OR10J1: variants seen among roughly 807,000 people sequenced by gnomAD.
OR10J1 encodes the protein olfactory receptor family 10 subfamily J member 1, also known as olfactory receptor 10J1.
For missense variants in OR10J1, 474 were observed against 376.6 expected (o/e 1.26, Z -2.14); for synonymous variants, 202 against 143.8 (o/e 1.40, Z -2.89).
the OR10J1 span, among the ~76,000 whole-genome samples, chr1:159,428,861 C>G: frequency 1.2e-4 from 19 of 152,236 alleles, no homozygotes; most frequent in Non-Finnish European, 2.8e-4. Flanking sequence ...CCACAATAAA[C>G]TGTCCTGCTT....
At chr1:159,435,722 T>A (rs1235203680), upstream of OR10J1, among the ~76,000 whole-genome samples, 1 of 152,038 alleles carries the variant, frequency 6.6e-6, no homozygotes, top group Non-Finnish European at 1.5e-5. Flanking sequence ...TCTTAAGAGG[T>A]CTAGACCCAG....
the OR10J1 span, among the ~76,000 whole-genome samples, chr1:159,420,795 T>C: frequency 6.6e-6 from 1 of 152,148 alleles, no homozygotes; most frequent in African/African-American, 2.4e-5. Context: ...CCTTTATAAG[T>C]GACTAGATGC....
At chr1:159,424,985 A>G in the OR10J1 span, among the ~76,000 whole-genome samples, 1 of 152,150 alleles carries the variant, frequency 6.6e-6, no homozygotes, top group East Asian at 1.9e-4. Context: ...AAGGGAGAAA[A>G]ACACATCGTG....
At chr1:159,426,413 A>G in the OR10J1 span, among the ~76,000 whole-genome samples, 1 of 151,882 alleles carries the variant, frequency 6.6e-6, no homozygotes, top group Non-Finnish European at 1.5e-5. Context: ...AACAAACAAA[A>G]TATTATTTAA....
At chr1:159,420,466 T>A in the OR10J1 span, among the ~76,000 whole-genome samples, 1 of 152,142 alleles carries the variant, frequency 6.6e-6, no homozygotes, top group East Asian at 1.9e-4. Flanking sequence ...ATTTGAATAT[T>A]TTCTCTTCCT....
At chr1:159,400,400 A>G in the OR10J1 span, among the ~76,000 whole-genome samples, 1 of 151,936 alleles carries the variant, frequency 6.6e-6, no homozygotes, top group Middle Eastern at 3.4e-3. Flanking sequence ...TCCCAATGGA[A>G]AACTAAAAAG....
At chr1:159,398,918 T>C in the OR10J1 span, among the ~76,000 whole-genome samples, 4 of 151,884 alleles carry the variant, frequency 2.6e-5, no homozygotes, top group East Asian at 7.8e-4. Context: ...GAGAAAGATA[T>C]CAATAGCAAG....
the OR10J1 span, among the ~76,000 whole-genome samples, chr1:159,410,424 T>C: frequency 6.6e-6 from 1 of 152,196 alleles, no homozygotes; most frequent in South Asian, 2.1e-4. Flanking sequence ...GGTTTAGTCT[T>C]GGGAGGGTGT....
At chr1:159,438,896 T>G (rs1655819467), upstream of OR10J1, among the ~76,000 whole-genome samples, 2 of 152,208 alleles carry the variant, frequency 1.3e-5, no homozygotes, top group African/African-American at 4.8e-5. Context: ...TATTCAGGGT[T>G]TGCTTTTGCT....
At chr1:159,415,302 C>T in the OR10J1 span, among the ~76,000 whole-genome samples, 5 of 152,070 alleles carry the variant, frequency 3.3e-5, no homozygotes, top group Admixed American at 6.6e-5. Context: ...ATCCAATTTT[C>T]CCAGTACCAC....
the OR10J1 span, among the ~76,000 whole-genome samples, chr1:159,430,753 G>T: frequency 6.6e-6 from 1 of 151,908 alleles, no homozygotes; most frequent in African/African-American, 2.4e-5. Context: ...GACAGAAGAA[G>T]GGAGGAAAGC....
chr1:159,405,677 C>T, the OR10J1 span: 1 of 541,258 alleles, frequency 1.8e-6, no homozygotes, highest in Non-Finnish European at 3.5e-6. Context: ...TTCTTCCTAC[C>T]CTCAGTTGAA....
chr1:159,405,880 C>T, the OR10J1 span: 13 of 653,762 alleles, frequency 2.0e-5, no homozygotes, highest in Admixed American at 2.6e-4. Context: ...AAAGGGCAGG[C>T]CAAACATAGA....
At chr1:159,410,508 G>C in the OR10J1 span, among the ~76,000 whole-genome samples, 1 of 152,102 alleles carries the variant, frequency 6.6e-6, no homozygotes, top group African/African-American at 2.4e-5. Context: ...AGTATTCTCT[G>C]ATGGTAGTTT....
chr1:159,438,233 G>A (rs909517144), upstream of OR10J1, among the ~76,000 whole-genome samples: 2 of 152,136 alleles, frequency 1.3e-5, no homozygotes, highest in East Asian at 3.9e-4. Flanking sequence ...AATCATAATA[G>A]CCATTCTTCT....
the OR10J1 span, among the ~76,000 whole-genome samples, chr1:159,430,054 G>A: frequency 2.0e-5 from 3 of 151,808 alleles, no homozygotes; most frequent in African/African-American, 4.8e-5. Context: ...ATGTGACCTC[G>A]TGGCCCTCAT....
At chr1:159,411,956 A>G in the OR10J1 span, among the ~76,000 whole-genome samples, 1 of 152,234 alleles carries the variant, frequency 6.6e-6, no homozygotes, top group South Asian at 2.1e-4. Context: ...TCAGCCCAAA[A>G]TCTCCTTAAG....
At chr1:159,430,669 GCGCGCGCGCACA>G in the OR10J1 span, among the ~76,000 whole-genome samples, 1 of 20,202 alleles carries the variant, frequency 4.9e-5, no homozygotes, top group East Asian at 6.9e-4. Context: ...GTGTGTGTGT[GCGCGCGCGCACA>G]TGTTTGGGTG....
chr1:159,439,930 AC>A lies in OR10J1; in HGVS notation c.141del (p.Ile48SerfsTer16), dbSNP rs1246707027. ...LTLAGNIIIV[T>X]IIRMDLHLHT... The stretch of plus-strand genomic sequence containing the variant: ...CTTAGCAGGCAATATCATCATTGTG[AC>A]CATCATCCGAATGGATCTTCATCTT... On this transcript the variant is annotated frameshift_variant, in exon 1 of 1. Transcript: ENST00000423932. LOFTEE classifies it low-confidence loss of function (END_TRUNC). 1 of 1,613,970 alleles carries A rather than the reference AC, an allele frequency of 6.2e-7. No individual in the cohort carries two copies. Among genetic ancestry groups the A allele is most frequent in the Non-Finnish European group, 8.5e-7 (1 of 1,179,994 alleles).
Sources: allele counts gnomAD v4.1 joint callset (sites outside exome capture counted in the v4.1 genomes callset), GRCh38; gene constraint gnomAD v4.1.1; transcripts MANE v1.5; gene names NCBI Gene and HGNC (gene_info 2026-07-23, HGNC 2026-07-21).